RALGAPA1: variants seen among roughly 807,000 people sequenced by gnomAD.
RALGAPA1 encodes Ral GTPase activating protein catalytic subunit alpha 1, also known as ral GTPase-activating protein subunit alpha-1.
In RALGAPA1, 52 loss-of-function variants were observed where a neutral mutation model predicts 269.6. That is an observed-to-expected ratio of 0.19 (90% CI 0.15 to 0.24). The LOEUF is 0.24. Among genes scored for constraint, RALGAPA1 ranks in the 10% least tolerant of loss-of-function variants. The pLI is 1.00. For synonymous variants in RALGAPA1, 817 were observed against 1,008.3 expected (o/e 0.81, Z 3.60); for missense variants, 1,917 against 3,013.9 (o/e 0.64, Z 8.52).
In RALGAPA1 at chr14:35,539,492, T is replaced by C; in HGVS notation, c.*222A>G. 4 of 1,591,310 alleles carry C rather than the reference T, an allele frequency of 2.5e-6. No individual in the cohort carries two copies. The highest frequency in any genetic ancestry group is 3.4e-5 in the Admixed American group (2 of 58,222). On this transcript the variant is annotated 3_prime_UTR_variant, in exon 42 of 42. Coordinates refer to ENST00000680220, the MANE Select transcript of RALGAPA1 (RefSeq NM_001346249.2). ...TGAAGGCCTGAAAGGGTTAACCCTA[T>C]GTTCGTGCTAAGGTGGCTACTGCTG...
At chr14:35,746,779 A>G (rs2072148547) in intron 10 of RALGAPA1, among the ~76,000 whole-genome samples, 1 of 152,092 alleles carries the variant, frequency 6.6e-6, no homozygotes, top group Non-Finnish European at 1.5e-5. Flanking sequence ...TGTTGGGGGG[A>G]AAATCAGACT....
chr14:35,641,088 A>AT (rs1291869338), intron 31 of RALGAPA1, among the ~76,000 whole-genome samples: 1 of 152,072 alleles, frequency 6.6e-6, no homozygotes, highest in Non-Finnish European at 1.5e-5. Context: ...GAAGGAACAC[A>AT]CCTCAACATA....
intron 37 of RALGAPA1, among the ~76,000 whole-genome samples, chr14:35,578,351 TA>T (rs201065625): frequency 0.011 from 1,691 of 152,294 alleles, 35 homozygotes; most frequent in East Asian, 0.034. Flanking sequence ...CTTCAGGAGA[TA>T]GGGGTATACG....
intron 37 of RALGAPA1, among the ~76,000 whole-genome samples, chr14:35,581,743 C>T (rs2057965463): frequency 6.6e-6 from 1 of 151,976 alleles, no homozygotes. Flanking sequence ...CAAGTGTTGG[C>T]AAAGATGTGG....
intron 4 of RALGAPA1, chr14:35,766,295 G>A (rs1024920779): frequency 2.2e-5 from 20 of 913,472 alleles, no homozygotes; most frequent in Admixed American, 1.3e-4. Flanking sequence ...ATGACCCTAC[G>A]GATTCTACCA....
In RALGAPA1 at chr14:35,759,542, T is replaced by C. The variant is rs183556157; in HGVS notation, c.547+1287A>G. Among the ~76,000 whole-genome samples, 183 of 151,110 alleles carry C rather than the reference T, an allele frequency of 1.2e-3. 1 individual carries two copies. The highest frequency in any genetic ancestry group is 2.4e-3 in the Non-Finnish European group (162 of 67,892). On this transcript the variant is annotated intron_variant, in intron 6 of 41. Transcript: ENST00000680220. ...TCATGAAAGAATAAAGAAATAACTT[T>C]AACTTATTTAAATAACAGGATTCGT... is the stretch of plus-strand genomic sequence containing the variant.
intron 33 of RALGAPA1, among the ~76,000 whole-genome samples, chr14:35,631,387 C>T (rs2061351245): frequency 6.6e-6 from 1 of 151,848 alleles, no homozygotes; most frequent in African/African-American, 2.4e-5. Flanking sequence ...AAAAGTATTA[C>T]TTAGGATAAA....
intron 10 of RALGAPA1, among the ~76,000 whole-genome samples, chr14:35,744,059 T>C (rs2071814147): frequency 6.6e-6 from 1 of 152,204 alleles, no homozygotes; most frequent in Admixed American, 6.5e-5. Flanking sequence ...ATTTTTACTT[T>C]ACTTTTTAGG....
chr14:35,803,583 C>A (rs1046431880), intron 1 of RALGAPA1, among the ~76,000 whole-genome samples: 1 of 151,736 alleles, frequency 6.6e-6, no homozygotes, highest in Non-Finnish European at 1.5e-5. Context: ...AAAAAAAAAT[C>A]TTTGCAAATC....
chr14:35,662,533 T>A (rs908544445), intron 27 of RALGAPA1, among the ~76,000 whole-genome samples: 2 of 152,204 alleles, frequency 1.3e-5, no homozygotes, highest in African/African-American at 4.8e-5. Flanking sequence ...TTGTTTTTCA[T>A]ACAAAAAAAT....
chr14:35,577,445 C>A (rs1229553448), intron 37 of RALGAPA1, among the ~76,000 whole-genome samples: 1 of 152,128 alleles, frequency 6.6e-6, no homozygotes, highest in Non-Finnish European at 1.5e-5. Flanking sequence ...TATAAGGTTA[C>A]AATGAGAAGA....
At chr14:35,595,593 A>G (rs1405939586) in intron 37 of RALGAPA1, 41 bp downstream of exon 37, 1 of 1,554,458 alleles carries the variant, frequency 6.4e-7, no homozygotes, top group African/African-American at 1.4e-5. Context: ...AACTGTCTCA[A>G]TTATGAGCAT....
chr14:35,755,309 G>GGCCACTGTACTCCA (rs2073076654), intron 7 of RALGAPA1, among the ~76,000 whole-genome samples: 2 of 152,080 alleles, frequency 1.3e-5, no homozygotes, highest in South Asian at 4.2e-4. Flanking sequence ...GCCATAACTG[G>GGCCACTGTACTCCA]GCCACTGTAC....
chr14:35,597,664 T>C (rs1594755389), intron 36 of RALGAPA1, among the ~76,000 whole-genome samples: 2 of 152,176 alleles, frequency 1.3e-5, no homozygotes, highest in Non-Finnish European at 2.9e-5. Flanking sequence ...GAATCCCCCA[T>C]ATTGCCCTCT....
chr14:35,662,715 C>A (rs2063622700), intron 27 of RALGAPA1, among the ~76,000 whole-genome samples: 1 of 152,122 alleles, frequency 6.6e-6, no homozygotes, highest in African/African-American at 2.4e-5. Context: ...AACTACAACT[C>A]ATCCTTGGCC....
chr14:35,804,028 C>T (rs1010566575), intron 1 of RALGAPA1, among the ~76,000 whole-genome samples: 2 of 151,680 alleles, frequency 1.3e-5, no homozygotes, highest in Non-Finnish European at 2.9e-5. Context: ...CTTGGGAGGC[C>T]GAGGTGGGTG....
intron 40 of RALGAPA1, 110 bp downstream of exon 40, chr14:35,549,000 A>C: frequency 1.6e-6 from 2 of 1,277,098 alleles, no homozygotes; most frequent in Non-Finnish European, 1.1e-6. Context: ...ATAGTGATTA[A>C]AAATTCATAT....
At chr14:35,635,186 A>G (rs1368265264) in intron 32 of RALGAPA1, among the ~76,000 whole-genome samples, 1 of 152,168 alleles carries the variant, frequency 6.6e-6, no homozygotes, top group Non-Finnish European at 1.5e-5. Flanking sequence ...AAAGAAAAAA[A>G]AAAATCAAGG....
chr14:35,566,082 C>T (rs896400264), intron 39 of RALGAPA1, among the ~76,000 whole-genome samples: 3 of 152,032 alleles, frequency 2.0e-5, no homozygotes, highest in African/African-American at 7.2e-5. Context: ...CATTTCAATT[C>T]TAATTGCATG....
Sources: allele counts gnomAD v4.1 joint callset (sites outside exome capture counted in the v4.1 genomes callset), GRCh38; gene constraint gnomAD v4.1.1; transcripts MANE v1.5; gene names NCBI Gene and HGNC (gene_info 2026-07-23, HGNC 2026-07-21).